Variants in BORCS5 observed in about 807,000 individuals in gnomAD.
BORCS5 encodes the protein BLOC-1-related complex subunit 5.
Under a neutral mutation model 22.1 loss-of-function variants are expected in BORCS5, and 17 were observed. That is an observed-to-expected ratio of 0.77 (90% CI 0.53 to 1.15). BORCS5 has a LOEUF of 1.15. Ranked by LOEUF, BORCS5 falls within the 50% of genes most tolerant of loss-of-function variation. BORCS5 has a pLI of 0.00. For missense variants in BORCS5, 247 were observed against 253.2 expected, an observed-to-expected ratio of 0.98 and a Z score of 0.17; for synonymous variants, 117 against 99.8, an observed-to-expected ratio of 1.17 and a Z score of -1.03.
At chr12:12,394,687 A>G (rs933412122) in intron 2 of BORCS5, among the ~76,000 whole-genome samples, 2 of 151,966 alleles carry the variant, frequency 1.3e-5, no homozygotes, top group Non-Finnish European at 2.9e-5. Flanking sequence ...GAGGATTACA[A>G]TCTAGTATAG....
chr12:12,375,800 GT>G (rs201115973), intron 2 of BORCS5, among the ~76,000 whole-genome samples: 1 of 150,844 alleles, frequency 6.6e-6, no homozygotes, highest in African/African-American at 2.5e-5. Flanking sequence ...AGTAATCATG[GT>G]TTTTTTTGTT....
intron 3 of BORCS5, chr12:12,452,596 C>T (rs964849641): frequency 1.9e-5 from 6 of 319,458 alleles, no homozygotes; most frequent in East Asian, 8.8e-5. Context: ...TCCCGCACGC[C>T]GGCAAGAGTT....
chr12:12,377,741 T>C (rs1363463398), intron 2 of BORCS5, among the ~76,000 whole-genome samples: 1 of 152,166 alleles, frequency 6.6e-6, no homozygotes, highest in African/African-American at 2.4e-5. Flanking sequence ...TCAGTAGCTC[T>C]TGAGAGCTAG....
chr12:12,441,005 C>G (rs1385243414), intron 3 of BORCS5, among the ~76,000 whole-genome samples: 1 of 152,082 alleles, frequency 6.6e-6, no homozygotes, highest in Non-Finnish European at 1.5e-5. Context: ...GCAGATGAGA[C>G]AAGATCAAAG....
intron 2 of BORCS5, among the ~76,000 whole-genome samples, chr12:12,425,202 T>C (rs1372600254): frequency 6.6e-6 from 1 of 152,234 alleles, no homozygotes; most frequent in Non-Finnish European, 1.5e-5. Flanking sequence ...GCTGGTGCTA[T>C]TATGATGACA....
At chr12:12,406,928 T>G (rs1292377659) in intron 2 of BORCS5, among the ~76,000 whole-genome samples, 1 of 152,178 alleles carries the variant, frequency 6.6e-6, no homozygotes, top group East Asian at 1.9e-4. Flanking sequence ...GTTATTGATG[T>G]TTCAACAAGT....
intron 2 of BORCS5, among the ~76,000 whole-genome samples, chr12:12,367,505 G>C (rs1170490776): frequency 6.6e-6 from 1 of 152,202 alleles, no homozygotes; most frequent in African/African-American, 2.4e-5. Flanking sequence ...TTATGGGTTT[G>C]TATTTGTAAT....
intron 2 of BORCS5, among the ~76,000 whole-genome samples, chr12:12,414,585 CG>C (rs1435228811): frequency 1.3e-5 from 1 of 77,398 alleles, no homozygotes; most frequent in Non-Finnish European, 2.6e-5. Context: ...CCCTCCTGGA[CG>C]GGGCGACTGG....
At chr12:12,398,790 A>G (rs528000097) in intron 2 of BORCS5, among the ~76,000 whole-genome samples, 3 of 152,262 alleles carry the variant, frequency 2.0e-5, no homozygotes, top group South Asian at 4.1e-4. Flanking sequence ...AGGCAGCCCA[A>G]TCGATAGCTG....
intron 2 of BORCS5, among the ~76,000 whole-genome samples, 179 bp downstream of exon 2, chr12:12,361,528 T>G (rs185806839): frequency 2.0e-3 from 303 of 152,348 alleles, no homozygotes; most frequent in African/African-American, 7.0e-3. Context: ...CCCCTTTGCC[T>G]ACCTGTTTTT....
At chr12:12,459,380 G>A (rs573418490) in intron 3 of BORCS5, among the ~76,000 whole-genome samples, 4 of 150,136 alleles carry the variant, frequency 2.7e-5, no homozygotes, top group African/African-American at 9.8e-5. Context: ...GCATAATCTC[G>A]GCTCACTGCA....
chr12:12,412,091 T>A (rs1256866923), intron 2 of BORCS5, among the ~76,000 whole-genome samples: 1 of 152,202 alleles, frequency 6.6e-6, no homozygotes, highest in Non-Finnish European at 1.5e-5. Flanking sequence ...CAGGATTGTT[T>A]TGGCTATTCA....
intron 2 of BORCS5, among the ~76,000 whole-genome samples, chr12:12,410,015 G>T (rs1439605421): frequency 6.6e-6 from 1 of 152,140 alleles, no homozygotes; most frequent in African/African-American, 2.4e-5. Flanking sequence ...TTTTTTGGCT[G>T]CATAAATGTC....
intron 2 of BORCS5, among the ~76,000 whole-genome samples, chr12:12,411,014 T>G (rs916112248): frequency 6.6e-6 from 1 of 152,190 alleles, no homozygotes; most frequent in African/African-American, 2.4e-5. Context: ...CATTCATGAT[T>G]TAGCTCTGTT....
chr12:12,449,834 G>C (rs1031270296), intron 3 of BORCS5, among the ~76,000 whole-genome samples: 2 of 152,136 alleles, frequency 1.3e-5, no homozygotes, highest in Non-Finnish European at 2.9e-5. Flanking sequence ...ATAAGGAGCC[G>C]GGGAAGGTTT....
intron 2 of BORCS5, among the ~76,000 whole-genome samples, chr12:12,382,596 G>T (rs1030647096): frequency 6.7e-6 from 1 of 148,372 alleles, no homozygotes; most frequent in African/African-American, 2.5e-5. Flanking sequence ...GCAGTGGCGC[G>T]ATCTCAGTTT....
At chr12:12,398,943 A>G (rs1164465898) in intron 2 of BORCS5, among the ~76,000 whole-genome samples, 3 of 152,126 alleles carry the variant, frequency 2.0e-5, no homozygotes, top group East Asian at 1.9e-4. Context: ...TGCTACTGGC[A>G]TCTTGGGTGG....
In BORCS5 at chr12:12,465,745, G is replaced by A; in HGVS notation, c.560G>A (p.Ser187Asn). 6.2e-7 allele frequency: 1 copy of A among 1,613,732 alleles called. No individual in the cohort carries two copies. Residue 187 changes from serine to asparagine, a missense_variant, in exon 4 of 4, where the codon AGC becomes AAC. Physicochemically the swap from Ser to Asn is conservative, Grantham distance 46. Transcript: ENST00000314565. ...LPEGERLEPF[S>N]MKPDRELRL ...GAGGGCGAGCGGCTGGAGCCCTTCA[G>A]CATGAAGCCCGACCGCGAGCTCAGG...
chr12:12,358,247 G>A (rs1378194592), intron 1 of BORCS5, among the ~76,000 whole-genome samples: 2 of 152,264 alleles, frequency 1.3e-5, no homozygotes, highest in African/African-American at 2.4e-5. Context: ...AAGCTCCGGG[G>A]TTGCTAACGC....
Sources: allele counts gnomAD v4.1 joint callset (sites outside exome capture counted in the v4.1 genomes callset), GRCh38; gene constraint gnomAD v4.1.1; transcripts MANE v1.5; gene names NCBI Gene and HGNC (gene_info 2026-07-23, HGNC 2026-07-21).